DNER: variants seen among roughly 807,000 people sequenced by gnomAD.
DNER encodes the protein delta/notch like EGF repeat containing, also known as delta and Notch-like epidermal growth factor-related receptor.
Under a neutral mutation model 78.2 loss-of-function variants are expected in DNER, and 33 were observed. The ratio of observed to expected loss-of-function variants is 0.42; its 90% CI spans 0.32 to 0.56. The LOEUF is 0.56. DNER is among the 20% of genes least tolerant of loss of function. The pLI is 0.11. For synonymous variants in DNER, 417 were observed against 384.8 expected (o/e 1.08, Z -0.98); for missense variants, 918 against 975.3 (o/e 0.94, Z 0.78).
chr2:229,365,283 G>A (rs2106325670), intron 12 of DNER, among the ~76,000 whole-genome samples: 1 of 152,260 alleles, frequency 6.6e-6, no homozygotes. Flanking sequence ...GAAATGAGGA[G>A]GAGTCACAGA....
At chr2:229,592,067 T>C (rs1276101576) in intron 1 of DNER, among the ~76,000 whole-genome samples, 179 bp from the exon 2 acceptor site, 1 of 152,160 alleles carries the variant, frequency 6.6e-6, no homozygotes, top group Non-Finnish European at 1.5e-5. Flanking sequence ...CATCCGAACA[T>C]TAACCTTACC....
At chr2:229,702,789 C>T (rs1335123663) in intron 1 of DNER, among the ~76,000 whole-genome samples, 2 of 146,866 alleles carry the variant, frequency 1.4e-5, no homozygotes, top group Non-Finnish European at 1.5e-5. Context: ...TGGTGGCGGG[C>T]GCCTGTAGTC....
At chr2:229,663,891 A>C (rs1472850520) in intron 1 of DNER, among the ~76,000 whole-genome samples, 2 of 152,114 alleles carry the variant, frequency 1.3e-5, no homozygotes, top group Non-Finnish European at 2.9e-5. Context: ...GCAATGGCAC[A>C]ATCTCCACTC....
chr2:229,402,876 G>A (rs535457922), intron 10 of DNER, among the ~76,000 whole-genome samples: 18 of 152,304 alleles, frequency 1.2e-4, no homozygotes, highest in East Asian at 1.9e-4. Flanking sequence ...CAGGACCTAG[G>A]CCAGGACAGT....
intron 4 of DNER, among the ~76,000 whole-genome samples, chr2:229,570,811 G>A (rs994778429): frequency 1.3e-5 from 2 of 152,030 alleles, no homozygotes; most frequent in Non-Finnish European, 2.9e-5. Context: ...AGATGAGGGC[G>A]TGGCCAGTGC....
chr2:229,615,572 A>T, intron 1 of DNER, among the ~76,000 whole-genome samples: 1 of 151,884 alleles, frequency 6.6e-6, no homozygotes, highest in East Asian at 1.9e-4. Flanking sequence ...ATTAGCCGGA[A>T]GTGGTGGTGG....
At chr2:229,451,145 A>G (rs968032932) in intron 7 of DNER, among the ~76,000 whole-genome samples, 3 of 152,322 alleles carry the variant, frequency 2.0e-5, no homozygotes, top group East Asian at 1.9e-4. Flanking sequence ...GGAAGAATGA[A>G]TGAATTAAAA....
chr2:229,534,339 C>G (rs1696364613), intron 5 of DNER, among the ~76,000 whole-genome samples: 1 of 151,118 alleles, frequency 6.6e-6, no homozygotes, highest in Non-Finnish European at 1.5e-5. Context: ...TGTAATGTAA[C>G]AGACCAATAG....
chr2:229,406,327 C>T (rs1693381250), intron 10 of DNER, among the ~76,000 whole-genome samples: 1 of 152,154 alleles, frequency 6.6e-6, no homozygotes, highest in Non-Finnish European at 1.5e-5. Context: ...AATTTGCAAT[C>T]CAGAGTGACC....
At chr2:229,421,512 C>T (rs997561666) in intron 8 of DNER, among the ~76,000 whole-genome samples, 2 of 149,756 alleles carry the variant, frequency 1.3e-5, no homozygotes, top group African/African-American at 4.9e-5. Context: ...TATTTTACCA[C>T]TATCTGTATA....
chr2:229,615,137 C>T (rs774597619), intron 1 of DNER, among the ~76,000 whole-genome samples: 4 of 152,170 alleles, frequency 2.6e-5, no homozygotes, highest in Non-Finnish European at 4.4e-5. Flanking sequence ...AGAGGCCGGG[C>T]GTGGTGGCTC....
chr2:229,641,941 C>T (rs969013113), intron 1 of DNER, among the ~76,000 whole-genome samples: 1 of 151,898 alleles, frequency 6.6e-6, no homozygotes, highest in Admixed American at 6.6e-5. Context: ...TTCCACATTC[C>T]GAGATATAAC....
At chr2:229,568,210 A>T (rs1191818902) in intron 4 of DNER, among the ~76,000 whole-genome samples, 3 of 151,866 alleles carry the variant, frequency 2.0e-5, no homozygotes, top group African/African-American at 7.3e-5. Context: ...CATTTTATTT[A>T]TTTTTTATTG....
chr2:229,385,587 C>G lies in DNER; in HGVS notation c.1855+2678G>C, dbSNP rs1158699568. On this transcript the variant is annotated intron_variant, in intron 11 of 12. Coordinates refer to ENST00000341772, the MANE Select transcript of DNER (RefSeq NM_139072.4). Reference sequence around the variant, plus strand: ...TTTAGAAAGCCCCATTGTCTCAGCTCAAAATCTCCTTAAGCTGATAAGCAA... The same window carrying G: ...TTTAGAAAGCCCCATTGTCTCAGCTGAAAATCTCCTTAAGCTGATAAGCAA... Among the ~76,000 whole-genome samples the G allele has an allele frequency of 1.3e-5, 2 of 152,144 alleles. 1 individual carries two copies. Among genetic ancestry groups the G allele is most frequent in the Middle Eastern group, 6.3e-3 (2 of 316 alleles).
At chr2:229,524,454 C>A (rs1696161203) in intron 5 of DNER, among the ~76,000 whole-genome samples, 1 of 152,142 alleles carries the variant, frequency 6.6e-6, no homozygotes, top group African/African-American at 2.4e-5. Context: ...TATCCAGTAA[C>A]AAAGGAGTCA....
chr2:229,681,361 T>C (rs925117816), intron 1 of DNER, among the ~76,000 whole-genome samples: 1 of 152,132 alleles, frequency 6.6e-6, no homozygotes, highest in Non-Finnish European at 1.5e-5. Context: ...CAAAATAGCA[T>C]AATGGTGGAC....
chr2:229,376,391 T>A (rs1559334807), intron 11 of DNER, among the ~76,000 whole-genome samples: 1 of 152,194 alleles, frequency 6.6e-6, no homozygotes, highest in Non-Finnish European at 1.5e-5. Flanking sequence ...GATCTGCCAG[T>A]GCCTTGCTCT....
At chr2:229,603,254 T>G (rs536176715) in intron 1 of DNER, among the ~76,000 whole-genome samples, 13 of 152,272 alleles carry the variant, frequency 8.5e-5, no homozygotes, top group African/African-American at 2.9e-4. Context: ...AACCTTATAG[T>G]AAACAAATAT....
At chr2:229,641,348 A>G (rs1013741320) in intron 1 of DNER, among the ~76,000 whole-genome samples, 4 of 152,232 alleles carry the variant, frequency 2.6e-5, no homozygotes, top group South Asian at 2.1e-4. Flanking sequence ...GAGGTGGAGA[A>G]GAAAACAAAA....
Sources: gnomAD v4.1 joint callset for allele counts (sites outside exome capture counted in the v4.1 genomes callset) on GRCh38, gnomAD v4.1.1 for gene constraint, MANE v1.5 for transcripts, NCBI Gene and HGNC (gene_info 2026-07-23, HGNC 2026-07-21) for gene names.